SRFBP1: variants seen among roughly 807,000 people sequenced by gnomAD.
SRFBP1 encodes serum response factor-binding protein 1.
In SRFBP1, 47 loss-of-function variants were observed where a neutral mutation model predicts 45.5. The observed-to-expected ratio is 1.03, with a 90% CI of 0.82 to 1.32. The LOEUF is 1.32. Ranked by LOEUF, SRFBP1 falls within the 40% of genes most tolerant of loss-of-function variation. The pLI, the probability that SRFBP1 is intolerant of heterozygous loss-of-function variation, is 0.00. For missense variants in SRFBP1, 621 were observed against 484.6 expected, an observed-to-expected ratio of 1.28 and a Z score of -2.64; for synonymous variants, 203 against 166.3, an observed-to-expected ratio of 1.22 and a Z score of -1.70.
chr5:122,061,545 A>G (rs1335613538), intron 2 of SRFBP1, among the ~76,000 whole-genome samples: 4 of 152,016 alleles, frequency 2.6e-5, no homozygotes, highest in African/African-American at 7.2e-5. Context: ...CACAATGGGA[A>G]GTACAAAACT....
chr5:122,054,312 C>G (rs184007623), intron 2 of SRFBP1, among the ~76,000 whole-genome samples: 1 of 152,200 alleles, frequency 6.6e-6, no homozygotes, highest in Admixed American at 6.5e-5. Flanking sequence ...CTCTCATTCT[C>G]TCACCTTTCC....
At chr5:122,006,335 C>G (rs991336061) in intron 4 of SRFBP1, among the ~76,000 whole-genome samples, 1 of 152,068 alleles carries the variant, frequency 6.6e-6, no homozygotes, top group African/African-American at 2.4e-5. Context: ...TGTCTTTGTC[C>G]TTGATTTTTG....
downstream of SRFBP1, among the ~76,000 whole-genome samples, chr5:122,029,732 C>G (rs552285065): frequency 6.6e-6 from 1 of 152,280 alleles, no homozygotes; most frequent in African/African-American, 2.4e-5. Context: ...TACGGTTATC[C>G]TTTGCCACCT....
Position 122,070,144 on chromosome 5 carries a change from C to T in SRFBP1, n.312-5171C>T. 3.1e-6 allele frequency: 5 copies of T among 1,612,508 alleles called. No homozygotes were observed. Among genetic ancestry groups the T allele is most frequent in the Middle Eastern group, 1.7e-4 (1 of 6,056 alleles). ...TTGTTGGTATAGTCAGATTCAGGAACCAGGTAGCTGGGGTTTACACTGACC... is the reference window on the plus strand; with the variant it reads ...TTGTTGGTATAGTCAGATTCAGGAATCAGGTAGCTGGGGTTTACACTGACC... On this transcript the variant is annotated intron_variant and non_coding_transcript_variant, in intron 2 of 2. Coordinates refer to the SRFBP1 transcript ENST00000504881.
At chr5:122,036,213 C>G (rs1055243232) in intron 2 of SRFBP1, among the ~76,000 whole-genome samples, 1 of 152,058 alleles carries the variant, frequency 6.6e-6, no homozygotes, top group Non-Finnish European at 1.5e-5. Context: ...CCTTCTGATA[C>G]CACTTTGATC....
chr5:121,994,535 G>T, intron 3 of SRFBP1, 64 bp from the exon 4 acceptor site: 2 of 1,055,532 alleles, frequency 1.9e-6, no homozygotes, highest in South Asian at 1.5e-5. Context: ...ATACGGAAAG[G>T]AACTTAATAA....
intron 2 of SRFBP1, among the ~76,000 whole-genome samples, chr5:122,062,820 T>C (rs867495152): frequency 2.6e-5 from 4 of 152,002 alleles, no homozygotes; most frequent in Non-Finnish European, 5.9e-5. Flanking sequence ...ATTACTATGA[T>C]AGCAATGTGT....
intron 2 of SRFBP1, among the ~76,000 whole-genome samples, chr5:122,051,016 A>G (rs932635596): frequency 9.9e-5 from 15 of 152,260 alleles, no homozygotes; most frequent in African/African-American, 3.6e-4. Context: ...TTCCCCAAAC[A>G]TTATTCAGGA....
At chr5:121,990,068 T>C (rs751906408) in intron 3 of SRFBP1, among the ~76,000 whole-genome samples, 1 of 152,184 alleles carries the variant, frequency 6.6e-6, no homozygotes, top group Non-Finnish European at 1.5e-5. Context: ...GGAATACCAC[T>C]ACTGGGTATA....
chr5:122,019,474 G>A, intron 5 of SRFBP1, 133 bp downstream of exon 5: 1 of 686,332 alleles, frequency 1.5e-6, no homozygotes, highest in Non-Finnish European at 2.2e-6. Flanking sequence ...CAGTGTGGAA[G>A]GTGTCTGAAA....
At position 121,974,304 on chromosome 5, in the gene SRFBP1, G is replaced by A. The variant is rs532284012; in HGVS notation, c.125+20G>A. On this transcript the variant is annotated intron_variant, in intron 2 of 7. Transcript: ENST00000339397. ...AAAAAAGTTAGTCATTTAAAGTAATGATCTTGTGACTAATAAAATGTCAAA... is the reference window on the plus strand; with the variant it reads ...AAAAAAGTTAGTCATTTAAAGTAATAATCTTGTGACTAATAAAATGTCAAA... 45 of 1,553,464 alleles carry A rather than the reference G, an allele frequency of 2.9e-5. 1 individual carries two copies. The Middle Eastern group carries it at 1.0e-3, about 35-fold the overall frequency.
intron 4 of SRFBP1, among the ~76,000 whole-genome samples, chr5:121,995,033 A>G (rs1386738896): frequency 6.6e-6 from 1 of 151,408 alleles, no homozygotes; most frequent in Admixed American, 6.6e-5. Flanking sequence ...AGTGACCTAC[A>G]AAGAGACTTA....
At chr5:122,066,785 C>T in intron 2 of SRFBP1, 6 of 1,380,562 alleles carry the variant, frequency 4.3e-6, no homozygotes, top group East Asian at 4.6e-5. Context: ...AAATTATTAA[C>T]CTGATAATAT....
rs1753530011 is a variant in SRFBP1, at chr5:122,028,284, G to C, written c.*1158G>C. ...AACCTGTATTCACAAACTCTCAAGA[G>C]TTTCTACTTATTTCAGGAGCTTAAG... On this transcript the variant is annotated 3_prime_UTR_variant, in exon 8 of 8. Transcript: ENST00000339397. The C allele has an allele frequency of 6.6e-6, 1 of 152,186 alleles. No homozygotes were observed. Among genetic ancestry groups the C allele is most frequent in the East Asian group, 1.9e-4 (1 of 5,192 alleles). 9.4% of individuals were successfully genotyped at this position (152,186 alleles called of 1,614,324 possible).
chr5:122,070,246 T>G, intron 2 of SRFBP1: 1 of 848,312 alleles, frequency 1.2e-6, no homozygotes, highest in South Asian at 1.4e-5. Context: ...AGGACTTAGC[T>G]AAATCAAGCA....
chr5:121,981,246 G>T (rs989375215), intron 3 of SRFBP1, among the ~76,000 whole-genome samples: 6 of 152,096 alleles, frequency 3.9e-5, no homozygotes, highest in African/African-American at 1.4e-4. Context: ...AAGTAAAAGA[G>T]ACTGAAAAAT....
intron 4 of SRFBP1, among the ~76,000 whole-genome samples, chr5:122,009,021 C>G (rs75051053): frequency 0.044 from 6,742 of 152,162 alleles, 173 homozygotes; most frequent in African/African-American, 0.06. Context: ...TGCTGGTTTT[C>G]CAAAGTAGAT....
intron 5 of SRFBP1, 43 bp from the exon 6 acceptor site, chr5:122,020,045 A>G (rs757774831): frequency 3.8e-6 from 5 of 1,329,852 alleles, no homozygotes; most frequent in Non-Finnish European, 3.1e-6. Flanking sequence ...CATGTTTTAT[A>G]TGTTTCAGTG....
chr5:122,027,105 A>G lies in SRFBP1; in HGVS notation c.1269A>G (p.Lys423=), dbSNP rs780870053. 6 of 1,603,160 alleles carry G rather than the reference A, an allele frequency of 3.7e-6. No individual in the cohort carries two copies. In the African/African-American group the frequency reaches 5.4e-5, roughly 14 times the overall value. The change falls in exon 8 of 8, where the codon AAA becomes AAG. Residue 423 remains lysine (K), a synonymous_variant. Coordinates refer to ENST00000339397, the MANE Select transcript of SRFBP1 (RefSeq NM_152546.3). ...QQSNIAVFQG[K]KITFDD is the part of the protein sequence containing the mutation. ...CTAATATTGCTGTGTTTCAGGGGAAAAAAATTACGTTTGATGATTGATTAG... is the reference window on the plus strand; with the variant it reads ...CTAATATTGCTGTGTTTCAGGGGAAGAAAATTACGTTTGATGATTGATTAG...
Sources: allele counts gnomAD v4.1 joint callset (sites outside exome capture counted in the v4.1 genomes callset), GRCh38; gene constraint gnomAD v4.1.1; transcripts MANE v1.5; gene names NCBI Gene and HGNC (gene_info 2026-07-23, HGNC 2026-07-21).